Variants in CSMD1 observed in about 807,000 individuals in gnomAD.
The protein encoded by CSMD1 is CUB and Sushi multiple domains 1.
Under a neutral mutation model 417.5 loss-of-function variants are expected in CSMD1, and 213 were observed. The ratio of observed to expected loss-of-function variants is 0.51; its 90% CI spans 0.46 to 0.57. CSMD1 has a LOEUF of 0.57. CSMD1 is among the 20% of genes least tolerant of loss of function. The pLI, the probability that CSMD1 is intolerant of heterozygous loss-of-function variation, is 0.00. For missense variants in CSMD1, 6,923 were observed against 4,529.7 expected (o/e 1.53, Z -15.17); for synonymous variants, 2,862 against 1,736.8 (o/e 1.65, Z -16.11).
chr8:3,159,563 T>C (rs957644693), intron 38 of CSMD1, among the ~76,000 whole-genome samples: 2 of 152,230 alleles, frequency 1.3e-5, no homozygotes, highest in Non-Finnish European at 2.9e-5. Context: ...AATTGATGCA[T>C]CTGTTGTTCC....
At chr8:4,199,380 G>C (rs1445160199) in intron 3 of CSMD1, among the ~76,000 whole-genome samples, 4 of 152,200 alleles carry the variant, frequency 2.6e-5, no homozygotes, top group Non-Finnish European at 5.9e-5. Flanking sequence ...AAGATGCATA[G>C]TGTGGTGGAG....
intron 1 of CSMD1, among the ~76,000 whole-genome samples, chr8:4,961,916 T>A (rs1335537029): frequency 1.3e-5 from 2 of 152,044 alleles, no homozygotes; most frequent in African/African-American, 4.8e-5. Flanking sequence ...TTCCAATCTA[T>A]TATTTTATTC....
intron 2 of CSMD1, among the ~76,000 whole-genome samples, chr8:4,537,334 C>T (rs1033413117): frequency 3.9e-5 from 6 of 152,064 alleles, no homozygotes; most frequent in East Asian, 1.9e-4. Context: ...TTAATAAATG[C>T]TAAAATGAGA....
At chr8:3,540,666 G>T (rs186131892) in intron 10 of CSMD1, among the ~76,000 whole-genome samples, 1 of 151,778 alleles carries the variant, frequency 6.6e-6, no homozygotes, top group African/African-American at 2.4e-5. Flanking sequence ...AATCTACAAG[G>T]AACTCAAACA....
At chr8:3,653,149 T>G (rs1797944017) in intron 7 of CSMD1, among the ~76,000 whole-genome samples, 1 of 151,960 alleles carries the variant, frequency 6.6e-6, no homozygotes, top group Non-Finnish European at 1.5e-5. Flanking sequence ...TCAAATTTTT[T>G]CAAGTTGCAT....
chr8:3,414,883 G>T (rs190590658), intron 12 of CSMD1, among the ~76,000 whole-genome samples: 1 of 152,124 alleles, frequency 6.6e-6, no homozygotes, highest in African/African-American at 2.4e-5. Flanking sequence ...CGCTTGCTCG[G>T]GGATGGCCTG....
At chr8:4,150,729 G>C (rs756693944) in intron 3 of CSMD1, among the ~76,000 whole-genome samples, 5 of 152,146 alleles carry the variant, frequency 3.3e-5, no homozygotes, top group Non-Finnish European at 5.9e-5. Context: ...TCAGAATGCA[G>C]ATTAAAAAGG....
At chr8:4,784,313 T>C (rs755082055) in intron 1 of CSMD1, among the ~76,000 whole-genome samples, 1 of 152,230 alleles carries the variant, frequency 6.6e-6, no homozygotes, top group Non-Finnish European at 1.5e-5. Flanking sequence ...CCAACTCAAA[T>C]AGAAAAGCGT....
At chr8:4,440,275 C>T (rs1294284461) in intron 2 of CSMD1, among the ~76,000 whole-genome samples, 1 of 152,174 alleles carries the variant, frequency 6.6e-6, no homozygotes, top group Non-Finnish European at 1.5e-5. Flanking sequence ...AAGATGCTCA[C>T]AGCATTGGTA....
At chr8:4,446,221 T>C (rs774078825) in intron 2 of CSMD1, among the ~76,000 whole-genome samples, 22 of 152,298 alleles carry the variant, frequency 1.4e-4, no homozygotes, top group Non-Finnish European at 1.6e-4. Context: ...AATCATCTAT[T>C]TCTAGGATAC....
At chr8:4,965,896 A>G (rs1809825437) in intron 1 of CSMD1, among the ~76,000 whole-genome samples, 2 of 152,294 alleles carry the variant, frequency 1.3e-5, no homozygotes, top group South Asian at 4.1e-4. Flanking sequence ...TAAGTAGAGA[A>G]AGATAACTTG....
At position 4,429,411 on chromosome 8, in the gene CSMD1, A is replaced by G. The variant is rs1307773455; in HGVS notation, c.303-9346T>C. Among the ~76,000 whole-genome samples the G allele has an allele frequency of 3.3e-5, 5 of 152,270 alleles. No individual in the cohort carries two copies. The East Asian group carries it at 9.7e-4, about 29-fold the overall frequency. On this transcript the variant is annotated intron_variant, in intron 2 of 69. Coordinates refer to ENST00000635120, the MANE Select transcript of CSMD1 (RefSeq NM_033225.6). ...TACAAACTATATCGGACAAAGAAAA[A>G]GCATCCTCCTTTCACACAATGTTTT...
At chr8:3,812,556 C>T (rs1467252299) in intron 5 of CSMD1, among the ~76,000 whole-genome samples, 2 of 152,186 alleles carry the variant, frequency 1.3e-5, no homozygotes, top group African/African-American at 2.4e-5. Context: ...ATTCAACTAT[C>T]CTCGGAGACC....
At chr8:4,763,641 A>G (rs575528934) in intron 1 of CSMD1, among the ~76,000 whole-genome samples, 2 of 152,296 alleles carry the variant, frequency 1.3e-5, no homozygotes, top group Non-Finnish European at 2.9e-5. Flanking sequence ...TACTTAATGG[A>G]TTAAATGGTC....
intron 3 of CSMD1, among the ~76,000 whole-genome samples, chr8:4,048,989 G>C (rs1798287242): frequency 1.3e-5 from 2 of 152,088 alleles, no homozygotes; most frequent in South Asian, 2.1e-4. Flanking sequence ...CTCTAAGGTT[G>C]ATACAAAGAG....
intron 1 of CSMD1, among the ~76,000 whole-genome samples, chr8:4,894,472 G>A (rs1409670638): frequency 1.3e-5 from 2 of 151,108 alleles, no homozygotes; most frequent in African/African-American, 4.9e-5. Flanking sequence ...AGAATCACTT[G>A]AACCCGGGAG....
chr8:4,253,744 C>T (rs1186675867), intron 3 of CSMD1, among the ~76,000 whole-genome samples: 1 of 148,680 alleles, frequency 6.7e-6, no homozygotes, highest in Non-Finnish European at 1.5e-5. Flanking sequence ...TCTGGTTGTT[C>T]AATTATATAC....
At chr8:3,418,180 G>T (rs1813275048) in intron 12 of CSMD1, among the ~76,000 whole-genome samples, 1 of 152,150 alleles carries the variant, frequency 6.6e-6, no homozygotes, top group Non-Finnish European at 1.5e-5. Flanking sequence ...AGCTAAGATG[G>T]AGCGGGAACT....
At chr8:4,122,991 G>T (rs546803597) in intron 3 of CSMD1, among the ~76,000 whole-genome samples, 2 of 152,194 alleles carry the variant, frequency 1.3e-5, no homozygotes, top group African/African-American at 2.4e-5. Flanking sequence ...TGGCAAAGAC[G>T]TGCCACTGAG....
Sources: gnomAD v4.1 joint callset for allele counts (sites outside exome capture counted in the v4.1 genomes callset) on GRCh38, gnomAD v4.1.1 for gene constraint, MANE v1.5 for transcripts, NCBI Gene and HGNC (gene_info 2026-07-23, HGNC 2026-07-21) for gene names.